The following RARB variants were observed in gnomAD, a reference collection of about 807,000 sequenced individuals.
RARB encodes the protein retinoic acid receptor beta, also known as HBV-activated protein.
In RARB, 17 loss-of-function variants were observed where a neutral mutation model predicts 51.9. That is an observed-to-expected ratio of 0.33 (90% CI 0.22 to 0.49). The LOEUF (loss-of-function observed/expected upper bound fraction) is 0.49. Ranked by LOEUF, RARB falls within the 20% of genes least tolerant of loss-of-function variation. RARB has a pLI of 0.99. For missense variants in RARB, 369 were observed against 550.8 expected (o/e 0.67, Z 3.30); for synonymous variants, 215 against 195.4 (o/e 1.10, Z -0.84).
chr3:25,379,552 C>A (rs555652214), intron 5 of RARB, among the ~76,000 whole-genome samples: 22 of 152,256 alleles, frequency 1.4e-4, no homozygotes, highest in Middle Eastern at 3.4e-3. Flanking sequence ...AATGTGTGAT[C>A]AAACACTACA....
intron 2 of RARB, among the ~76,000 whole-genome samples, chr3:25,496,746 G>A (rs1697053635): frequency 6.6e-6 from 1 of 152,344 alleles, no homozygotes; most frequent in South Asian, 2.1e-4. Flanking sequence ...ATCAGTCAGA[G>A]AAGGCTTCCT....
intron 2 of RARB, among the ~76,000 whole-genome samples, chr3:24,902,355 G>A (rs1042252259): frequency 6.6e-5 from 10 of 152,088 alleles, no homozygotes; most frequent in African/African-American, 1.9e-4. Context: ...AAATTTCCAG[G>A]GAATCACCGT....
intron 5 of RARB, among the ~76,000 whole-genome samples, chr3:25,334,466 G>A (rs141502759): frequency 0.053 from 8,049 of 152,182 alleles, 227 homozygotes; most frequent in Middle Eastern, 0.065. Context: ...ACTCATAGGT[G>A]GGAATTGAAT....
intron 2 of RARB, among the ~76,000 whole-genome samples, chr3:24,879,670 C>A (rs1165031321): frequency 6.6e-6 from 1 of 151,906 alleles, no homozygotes; most frequent in East Asian, 1.9e-4. Context: ...AAACAAAAAA[C>A]CGAATCACTT....
intron 3 of RARB, among the ~76,000 whole-genome samples, chr3:25,534,888 G>T (rs1699074649): frequency 6.6e-6 from 1 of 152,174 alleles, no homozygotes; most frequent in African/African-American, 2.4e-5. Flanking sequence ...CTCCTCCAGA[G>T]ACCCTTCCTT....
chr3:25,394,145 C>T (rs1344589236), intron 5 of RARB, among the ~76,000 whole-genome samples: 3 of 152,000 alleles, frequency 2.0e-5, no homozygotes, highest in Non-Finnish European at 4.4e-5. Context: ...ATCTTGATTC[C>T]ATTGTTGACC....
At chr3:25,491,915 T>C (rs1355170738) in intron 2 of RARB, among the ~76,000 whole-genome samples, 2 of 150,328 alleles carry the variant, frequency 1.3e-5, no homozygotes, top group Non-Finnish European at 2.9e-5. Flanking sequence ...TACTCCAGCC[T>C]GGGCAACAAA....
At chr3:25,149,439 T>C (rs1700246781) in intron 4 of RARB, among the ~76,000 whole-genome samples, 1 of 152,148 alleles carries the variant, frequency 6.6e-6, no homozygotes, top group Admixed American at 6.6e-5. Flanking sequence ...TACCAGAAAA[T>C]GTGATTGTGG....
intron 5 of RARB, among the ~76,000 whole-genome samples, chr3:25,391,833 G>C (rs779370007): frequency 9.2e-5 from 14 of 151,942 alleles, no homozygotes; most frequent in Non-Finnish European, 1.8e-4. Context: ...TCTCCCACTC[G>C]GTGGGTGTTC....
At chr3:25,237,891 T>A (rs1406510244) in intron 5 of RARB, among the ~76,000 whole-genome samples, 3 of 152,150 alleles carry the variant, frequency 2.0e-5, no homozygotes, top group African/African-American at 7.2e-5. Context: ...TCTTTTTTTT[T>A]ATTGATACAT....
chr3:25,041,757 C>T (rs1698119130), intron 2 of RARB, among the ~76,000 whole-genome samples: 1 of 151,864 alleles, frequency 6.6e-6, no homozygotes, highest in Admixed American at 6.6e-5. Context: ...ATAATTAAAA[C>T]ATTATTGAAT....
At chr3:25,023,407 C>A (rs10865802) in intron 2 of RARB, among the ~76,000 whole-genome samples, 5 of 151,908 alleles carry the variant, frequency 3.3e-5, no homozygotes, top group Non-Finnish European at 5.9e-5. Context: ...GAGGTTAAGA[C>A]GAATGTTGGC....
chr3:25,437,648 C>T (rs753955272), intron 1 of RARB, among the ~76,000 whole-genome samples: 31 of 152,166 alleles, frequency 2.0e-4, no homozygotes, highest in Non-Finnish European at 4.0e-4. Flanking sequence ...AGAACCACAG[C>T]TGGTTTATAT....
chr3:25,055,515 T>C (rs576287700), intron 2 of RARB, among the ~76,000 whole-genome samples: 3 of 152,278 alleles, frequency 2.0e-5, no homozygotes, highest in Non-Finnish European at 2.9e-5. Context: ...TTATGGAAAC[T>C]ACAGGGTCTC....
chr3:25,209,186 G>C (rs765407328), intron 5 of RARB, among the ~76,000 whole-genome samples: 1 of 152,138 alleles, frequency 6.6e-6, no homozygotes, highest in South Asian at 2.1e-4. Flanking sequence ...ACCCTTCGTC[G>C]GTCAGTTGGA....
At chr3:25,363,820 C>T (rs562246750) in intron 5 of RARB, among the ~76,000 whole-genome samples, 2 of 152,310 alleles carry the variant, frequency 1.3e-5, no homozygotes, top group East Asian at 1.9e-4. Context: ...TCAGCTTCAT[C>T]CCTACTAACA....
intron 2 of RARB, among the ~76,000 whole-genome samples, chr3:24,935,819 C>T (rs1695537256): frequency 6.6e-6 from 1 of 152,176 alleles, no homozygotes; most frequent in African/African-American, 2.4e-5. Flanking sequence ...AACAACATGG[C>T]AGTCTGTTGG....
At chr3:24,860,490 G>A (rs555407111) in intron 2 of RARB, among the ~76,000 whole-genome samples, 162 of 152,118 alleles carry the variant, frequency 1.1e-3, no homozygotes, top group African/African-American at 3.3e-3. Context: ...TCAAACACAC[G>A]GCAAGAGTTG....
At chr3:25,068,584 G>T (rs1270725564) in intron 3 of RARB, among the ~76,000 whole-genome samples, 1 of 152,106 alleles carries the variant, frequency 6.6e-6, no homozygotes, top group African/African-American at 2.4e-5. Context: ...GTTATGAAAT[G>T]GGTTGTTAGC....
Sources: gnomAD v4.1 joint callset for allele counts (sites outside exome capture counted in the v4.1 genomes callset) on GRCh38, gnomAD v4.1.1 for gene constraint, MANE v1.5 for transcripts, NCBI Gene and HGNC (gene_info 2026-07-23, HGNC 2026-07-21) for gene names.